Variants in RASGRP3 observed in about 807,000 individuals in gnomAD.
The protein encoded by RASGRP3 is RAS guanyl releasing protein 3.
Under a neutral mutation model 82.7 loss-of-function variants are expected in RASGRP3, and 54 were observed. The observed-to-expected ratio is 0.65, with a 90% CI of 0.52 to 0.82. The LOEUF (loss-of-function observed/expected upper bound fraction) is 0.82, where lower values mean the gene tolerates loss of function less well. RASGRP3 is among the 40% of genes least tolerant of loss of function. RASGRP3 has a pLI of 0.00. For synonymous variants in RASGRP3, 309 were observed against 300.5 expected (o/e 1.03, Z -0.29); for missense variants, 861 against 828.9 (o/e 1.04, Z -0.48).
At chr2:33,491,133 T>C (rs1487623740) in intron 1 of RASGRP3, among the ~76,000 whole-genome samples, 1 of 150,564 alleles carries the variant, frequency 6.6e-6, no homozygotes, top group East Asian at 2.0e-4. Flanking sequence ...CTGGCCAACA[T>C]AGGGAAACCT....
At chr2:33,480,067 C>CGG (rs1371265290) in intron 1 of RASGRP3, among the ~76,000 whole-genome samples, 1 of 126,252 alleles carries the variant, frequency 7.9e-6, no homozygotes, top group African/African-American at 3.1e-5. Flanking sequence ...TTTTTTGAGA[C>CGG]AGTCTCGCTC....
chr2:33,440,153 A>T (rs2150870964), intron 1 of RASGRP3, among the ~76,000 whole-genome samples: 1 of 152,324 alleles, frequency 6.6e-6, no homozygotes, highest in African/African-American at 2.4e-5. Context: ...GGAATGATGG[A>T]ATAGTCAGAT....
chr2:33,508,528 T>C (rs566561170), intron 1 of RASGRP3, among the ~76,000 whole-genome samples: 95 of 152,248 alleles, frequency 6.2e-4, no homozygotes, highest in African/African-American at 2.0e-3. Context: ...AAAAAGGGCA[T>C]CCATGTGGGT....
In RASGRP3 at chr2:33,540,554, T is replaced by G. The variant is rs1293034820; in HGVS notation, c.1278+1344T>G. 1.5e-3 allele frequency among the ~76,000 whole-genome samples: 39 copies of G among 26,130 alleles called. 2 individuals carry two copies. Among genetic ancestry groups the G allele is most frequent in the African/African-American group, 3.0e-3 (38 of 12,582 alleles). 17.1% of individuals were successfully genotyped at this position (26,130 alleles called of 152,430 possible). On this transcript the variant is annotated intron_variant, in intron 12 of 17. Transcript: ENST00000403687. Reference sequence around the variant, plus strand: ...CTCTCTCTCTCTCTCTGTGTGTGTGTTTTGTGTGTGTGTGTGTGTGTGTGT... The same window carrying G: ...CTCTCTCTCTCTCTCTGTGTGTGTGGTTTGTGTGTGTGTGTGTGTGTGTGT...
intron 1 of RASGRP3, among the ~76,000 whole-genome samples, chr2:33,447,013 G>A (rs1478215162): frequency 6.6e-6 from 1 of 151,654 alleles, no homozygotes; most frequent in Non-Finnish European, 1.5e-5. Flanking sequence ...TGTTGGTGGC[G>A]GGTGCCTGTA....
intron 1 of RASGRP3, among the ~76,000 whole-genome samples, chr2:33,480,042 A>ATTTTT (rs397868583): frequency 1.5e-5 from 2 of 131,894 alleles, no homozygotes; most frequent in Non-Finnish European, 3.2e-5. Flanking sequence ...TGAAAGAGGA[A>ATTTTT]TTTTTTTTTT....
intron 10 of RASGRP3, among the ~76,000 whole-genome samples, chr2:33,530,521 TA>T (rs1437137978): frequency 7.8e-6 from 1 of 127,990 alleles, no homozygotes; most frequent in Admixed American, 7.9e-5. Flanking sequence ...TTTTTTTTTT[TA>T]AACTAAAGAA....
At chr2:33,546,694 C>A (rs1674794761) in intron 13 of RASGRP3, among the ~76,000 whole-genome samples, 2 of 152,166 alleles carry the variant, frequency 1.3e-5, no homozygotes, top group African/African-American at 4.8e-5. Context: ...GTCATGTAAT[C>A]AACCTAAATG....
At position 33,496,101 on chromosome 2, in the gene RASGRP3, T is replaced by C. The variant is rs142089241; in HGVS notation, c.-260-15609T>C. Among the ~76,000 whole-genome samples, 528 of 152,332 alleles carry C rather than the reference T, an allele frequency of 3.5e-3. 2 individuals are homozygous for C. Among genetic ancestry groups the C allele is most frequent in the African/African-American group, 0.012 (508 of 41,588 alleles). On this transcript the variant is annotated intron_variant, in intron 1 of 17. Coordinates refer to ENST00000403687, the MANE Select transcript of RASGRP3 (RefSeq NM_001139488.2). ...ATGGCCCTAACAAAAAATATACATCTAGGGGCTAAATCTGTTTATAACCTG... is the reference window on the plus strand; with the variant it reads ...ATGGCCCTAACAAAAAATATACATCCAGGGGCTAAATCTGTTTATAACCTG...
chr2:33,516,642 C>T lies in RASGRP3; in HGVS notation c.171C>T (p.Cys57=). 2.0e-6 allele frequency: 3 copies of T among 1,527,636 alleles called. No homozygotes were observed. The highest frequency in any genetic ancestry group is 2.7e-6 in the Non-Finnish European group (3 of 1,112,730). The allele number at this position is 1,527,636 out of a possible 1,614,324, so 94.6% of individuals were successfully genotyped here. ...SSTELAEKLL[C]MYRNATGESC... is the part of the protein sequence containing the mutation. ...CTGAATTGGCAGAAAAACTTCTCTG[C>T]ATATATCTTTTCAACTACTGTGTAA... Residue 57 remains cysteine (C), a splice_region_variant and synonymous_variant, in exon 4 of 18, where the codon TGC becomes TGT. Transcript: ENST00000403687.
chr2:33,494,952 C>G (rs1669179368), intron 1 of RASGRP3, among the ~76,000 whole-genome samples: 1 of 152,202 alleles, frequency 6.6e-6, no homozygotes, highest in Non-Finnish European at 1.5e-5. Flanking sequence ...TCCAAATTTA[C>G]TTTCTTGTTC....
At chr2:33,438,589 A>C (rs1349630912) in intron 1 of RASGRP3, among the ~76,000 whole-genome samples, 1 of 151,496 alleles carries the variant, frequency 6.6e-6, no homozygotes, top group African/African-American at 2.4e-5. Flanking sequence ...AATTGTATTC[A>C]TGAAATGCCA....
At chr2:33,462,379 T>G (rs1666421530) in intron 2 of RASGRP3, among the ~76,000 whole-genome samples, 1 of 128,310 alleles carries the variant, frequency 7.8e-6, no homozygotes, top group African/African-American at 2.6e-5. Flanking sequence ...TTTTTTTTTG[T>G]TTTTCTTTTT....
chr2:33,502,604 C>A (rs150741326), intron 1 of RASGRP3, among the ~76,000 whole-genome samples: 6 of 151,560 alleles, frequency 4.0e-5, no homozygotes, highest in African/African-American at 1.5e-4. Flanking sequence ...CCTCCGCCTC[C>A]CGGGTTCAAG....
intron 1 of RASGRP3, among the ~76,000 whole-genome samples, chr2:33,507,211 A>G (rs146013867): frequency 3.3e-5 from 5 of 152,334 alleles, no homozygotes; most frequent in East Asian, 1.9e-4. Context: ...CCTGGCCAAC[A>G]TGGTGAAACC....
chr2:33,466,159 A>G (rs529124385), intron 2 of RASGRP3, among the ~76,000 whole-genome samples: 2 of 152,306 alleles, frequency 1.3e-5, no homozygotes, highest in South Asian at 4.1e-4. Flanking sequence ...TAAGAGACAC[A>G]TTTTGTAAGG....
At chr2:33,551,663 A>G (rs1011974615) in intron 14 of RASGRP3, among the ~76,000 whole-genome samples, 1 of 151,536 alleles carries the variant, frequency 6.6e-6, no homozygotes. Context: ...ATAAAGAGAC[A>G]CCTGCCACTG....
At position 33,520,539 on chromosome 2, in the gene RASGRP3, T is replaced by C. The variant is rs751780409; in HGVS notation, c.237-14T>C. 1.9e-5 allele frequency: 30 copies of C among 1,612,418 alleles called. No individual in the cohort carries two copies. In the South Asian group the frequency reaches 2.9e-4, roughly 15 times the overall value. ...GCAATCTTCCAGCTGCCAAAAATAT[T>C]TGATGCCTTTCAGGTACTGGATTCT... On this transcript the variant is annotated splice_polypyrimidine_tract_variant and intron_variant, in intron 5 of 17. Transcript: ENST00000403687.
At chr2:33,492,625 T>C (rs1225281645) in intron 1 of RASGRP3, among the ~76,000 whole-genome samples, 3 of 152,202 alleles carry the variant, frequency 2.0e-5, no homozygotes, top group Non-Finnish European at 4.4e-5. Context: ...GGCTTCTCTT[T>C]CTGTGCCATG....
Sources: gnomAD v4.1 joint callset for allele counts (sites outside exome capture counted in the v4.1 genomes callset) on GRCh38, gnomAD v4.1.1 for gene constraint, MANE v1.5 for transcripts, NCBI Gene and HGNC (gene_info 2026-07-23, HGNC 2026-07-21) for gene names.